Variants in CATSPERE observed in about 807,000 individuals in gnomAD.
CATSPERE encodes the protein cation channel sperm-associated auxiliary subunit epsilon.
Under a neutral mutation model 114.1 loss-of-function variants are expected in CATSPERE, and 93 were observed. That is an observed-to-expected ratio of 0.81 (90% CI 0.69 to 0.97). CATSPERE has a LOEUF of 0.97. Ranked by LOEUF, CATSPERE falls within the 50% of genes least tolerant of loss-of-function variation. The probability of loss-of-function intolerance (pLI) is 0.00; values close to 1 mark genes in which losing one functional copy is unlikely to be tolerated. For synonymous variants in CATSPERE, 341 were observed against 384.1 expected (o/e 0.89, Z 1.31); for missense variants, 1,058 against 1,131.6 (o/e 0.93, Z 0.93).
intron 2 of CATSPERE, among the ~76,000 whole-genome samples, chr1:244,471,936 A>G (rs1240793118): frequency 6.6e-6 from 1 of 152,174 alleles, no homozygotes; most frequent in Non-Finnish European, 1.5e-5. Context: ...TATAGCAAAT[A>G]AGAAACTACA....
chr1:244,554,390 C>A (rs767139554), intron 9 of CATSPERE, among the ~76,000 whole-genome samples: 37 of 152,068 alleles, frequency 2.4e-4, no homozygotes, highest in Non-Finnish European at 4.6e-4. Context: ...CCAGGCTGGG[C>A]AGGGTGGCTC....
intron 19 of CATSPERE, among the ~76,000 whole-genome samples, chr1:244,616,688 C>G (rs2148706567): frequency 6.6e-6 from 1 of 152,338 alleles, no homozygotes; most frequent in South Asian, 2.1e-4. Context: ...CCCCTGTGAT[C>G]CAAACTCCTG....
chr1:244,545,961 G>A (rs1200234499), intron 8 of CATSPERE, among the ~76,000 whole-genome samples: 3 of 152,226 alleles, frequency 2.0e-5, no homozygotes, highest in African/African-American at 7.2e-5. Context: ...ATTTGGGCCT[G>A]GTTTACAGAT....
chr1:244,468,888 A>G (rs1020374261), intron 2 of CATSPERE, among the ~76,000 whole-genome samples: 1 of 152,208 alleles, frequency 6.6e-6, no homozygotes, highest in African/African-American at 2.4e-5. Context: ...ACTGCACTCC[A>G]GCCTGGGTGA....
In CATSPERE at chr1:244,572,623, A is replaced by G. The variant is rs1664632247; in HGVS notation, c.1801A>G (p.Lys601Glu). 6.2e-7 allele frequency: 1 copy of G among 1,614,106 alleles called. No homozygotes were observed. Among genetic ancestry groups the G allele is most frequent in the Non-Finnish European group, 8.5e-7 (1 of 1,179,986 alleles). The change falls in exon 11 of 22, where the codon AAG becomes GAG. Residue 601 changes from lysine to glutamate, a missense_variant. Physicochemically the swap from Lys to Glu is moderately conservative, Grantham distance 56 (BLOSUM62 1). Around this residue, in one of 2 missense-constraint regions of CATSPERE, gnomAD observed 787 missense variants for 905.6 expected, o/e 0.87. Coordinates refer to ENST00000366534, the MANE Select transcript of CATSPERE (RefSeq NM_001130957.2). ...TGCTCATGTTTTTTACTTTTTGGAC[A>G]AGGGAGAGGCTCTGACAGTTTGGAC... The part of the protein sequence containing the change: ...NVAHVFYFLD[K>E]GEALTVWTQI...
chr1:244,612,006 A>G (rs1487749040), intron 19 of CATSPERE, among the ~76,000 whole-genome samples: 3 of 152,162 alleles, frequency 2.0e-5, no homozygotes, highest in Non-Finnish European at 4.4e-5. Context: ...TTGCACCTCA[A>G]TGATACTGAT....
At chr1:244,456,734 G>A (rs189408139), upstream of CATSPERE, among the ~76,000 whole-genome samples, 26 of 152,272 alleles carry the variant, frequency 1.7e-4, no homozygotes, top group African/African-American at 5.5e-4. Flanking sequence ...GGGGACACAT[G>A]GACAGCCATG....
At chr1:244,476,566 T>C (rs1239111397) in intron 2 of CATSPERE, among the ~76,000 whole-genome samples, 1 of 152,192 alleles carries the variant, frequency 6.6e-6, no homozygotes, top group Non-Finnish European at 1.5e-5. Flanking sequence ...ATCAAATCTA[T>C]GAAACGGTTT....
chr1:244,563,740 G>C (rs909910342), intron 10 of CATSPERE, among the ~76,000 whole-genome samples: 2 of 152,140 alleles, frequency 1.3e-5, no homozygotes, highest in African/African-American at 2.4e-5. Context: ...TTCTTTTGCT[G>C]TGCAGAAGCT....
chr1:244,537,602 G>A (rs1206895298), intron 8 of CATSPERE, among the ~76,000 whole-genome samples: 1 of 152,136 alleles, frequency 6.6e-6, no homozygotes, highest in East Asian at 1.9e-4. Flanking sequence ...GAAAGTCATT[G>A]GGCCTGGTGC....
rs529915576 is a variant in CATSPERE at position 244,479,801 on chromosome 1, T to C, written c.326+17T>C. The stretch of plus-strand genomic sequence containing the variant: ...TAGAGTTAGGTAAGTAATGCAGTAC[T>C]GAATAGGTAATTATGCTTTTAAAGA... On this transcript the variant is annotated intron_variant, in intron 5 of 21. Transcript: ENST00000366534. 2.2e-6 allele frequency: 3 copies of C among 1,388,254 alleles called. No individual in the cohort carries two copies. In the East Asian group the frequency reaches 7.3e-5, roughly 34 times the overall value. 86.0% of individuals were successfully genotyped at this position (1,388,254 alleles called of 1,614,324 possible).
At chr1:244,451,732 C>G, upstream of CATSPERE, 1 of 1,607,750 alleles carries the variant, frequency 6.2e-7, no homozygotes, top group Non-Finnish European at 8.5e-7. This position sits in a 1 kb window ranked among gnomAD's most constrained non-coding sequence, Gnocchi z 6.6. Flanking sequence ...CACCGTCACC[C>G]GGTTTCCTCC....
At position 244,504,777 on chromosome 1, in the gene CATSPERE, A is replaced by T. The variant is rs756025065; in HGVS notation, c.429+5698A>T. On this transcript the variant is annotated intron_variant, in intron 7 of 21. Transcript: ENST00000366534. This position sits in a 1 kb window ranked among gnomAD's most constrained non-coding sequence, Gnocchi z 4.1. ...AATCAAGGGCGCATACAATCATATG[A>T]TGTGTCGCTGCTGATGTTTGCGTTC... Among the ~76,000 whole-genome samples, 3 of 152,176 alleles carry T rather than the reference A, an allele frequency of 2.0e-5. No homozygotes were observed. The highest frequency in any genetic ancestry group is 4.4e-5 in the Non-Finnish European group (3 of 68,024).
intron 9 of CATSPERE, among the ~76,000 whole-genome samples, chr1:244,554,146 T>C (rs1024391460): frequency 4.6e-5 from 7 of 152,202 alleles, no homozygotes; most frequent in African/African-American, 1.4e-4. Flanking sequence ...AGTACAGGTG[T>C]CCCTTTGATA....
At chr1:244,487,172 C>A (rs1671224568) in intron 5 of CATSPERE, among the ~76,000 whole-genome samples, 2 of 151,474 alleles carry the variant, frequency 1.3e-5, no homozygotes, top group African/African-American at 4.9e-5. Flanking sequence ...CCCTCGTAGT[C>A]ACCTGGTGGG....
At chr1:244,472,469 G>A (rs1170690406) in intron 2 of CATSPERE, among the ~76,000 whole-genome samples, 1 of 151,966 alleles carries the variant, frequency 6.6e-6, no homozygotes, top group Admixed American at 6.6e-5. Context: ...AATTTTTTAA[G>A]AGTTAACAGA....
At chr1:244,554,439 A>T (rs1262127423) in intron 9 of CATSPERE, among the ~76,000 whole-genome samples, 1 of 152,054 alleles carries the variant, frequency 6.6e-6, no homozygotes, top group Non-Finnish European at 1.5e-5. Context: ...CCAAGGTGGG[A>T]TGATTACTTG....
intron 20 of CATSPERE, among the ~76,000 whole-genome samples, chr1:244,619,418 A>G (rs1428420890): frequency 1.3e-5 from 2 of 152,230 alleles, no homozygotes; most frequent in Non-Finnish European, 1.5e-5. Context: ...ACTAACAGAG[A>G]GGTCCTAAAC....
At chr1:244,496,953 T>C (rs1673190855) in intron 6 of CATSPERE, among the ~76,000 whole-genome samples, 1 of 152,148 alleles carries the variant, frequency 6.6e-6, no homozygotes, top group Admixed American at 6.5e-5. Context: ...GCAATGAAGG[T>C]AGCATCTCAA....
Sources: gnomAD v4.1 joint callset for allele counts (sites outside exome capture counted in the v4.1 genomes callset) on GRCh38, gnomAD v4.1.1 for gene constraint, gnomAD v4.1.1 regional missense constraint, Gnocchi (gnomAD v3.1) non-coding constraint, MANE v1.5 for transcripts, NCBI Gene and HGNC (gene_info 2026-07-23, HGNC 2026-07-21) for gene names.